The following SPG7 variants were observed in gnomAD, a reference collection of about 807,000 sequenced individuals.
SPG7 encodes mitochondrial inner membrane m-AAA protease component paraplegin.
Under a neutral mutation model 81.9 loss-of-function variants are expected in SPG7, and 103 were observed. That is an observed-to-expected ratio of 1.26 (90% confidence interval 1.07 to 1.48). The LOEUF (loss-of-function observed/expected upper bound fraction) is 1.48, where lower values mean the gene tolerates loss of function less well. Ranked by LOEUF, SPG7 falls within the 40% of genes most tolerant of loss-of-function variation. SPG7 has a pLI of 0.00. For synonymous variants in SPG7, 534 were observed against 444.2 expected (o/e 1.20, Z -2.54); for missense variants, 1,241 against 1,087.3 (o/e 1.14, Z -1.99).
chr16:89,508,430 C>G lies in SPG7; in HGVS notation c.13C>G (p.Leu5Val). The G allele has an allele frequency of 6.7e-7, 1 of 1,492,732 alleles. No homozygotes were observed. Among genetic ancestry groups the G allele is most frequent in the Non-Finnish European group, 8.9e-7 (1 of 1,128,154 alleles). 92.5% of individuals were successfully genotyped at this position (1,492,732 alleles called of 1,614,324 possible). The change falls in exon 1 of 17, where the codon CTG becomes GTG. Residue 5 changes from leucine (L) to valine (V), a missense_variant. Transcript: ENST00000645818. ...CTTTCAGGCCAACATGGCCGTGCTG[C>G]TGCTGCTGCTCCGTGCCCTCCGCCG... Reference protein sequence around the residue: MAVLLLLLRALRRGP... With the variant: MAVLVLLLRALRRGP...
chr16:89,528,200 C>G (rs550933897), intron 5 of SPG7, among the ~76,000 whole-genome samples: 101 of 151,744 alleles, frequency 6.7e-4, no homozygotes, highest in African/African-American at 2.4e-3. Flanking sequence ...ACCATCCTGG[C>G]TAACACGACG....
At position 89,536,500 on chromosome 16, in the gene SPG7, T is replaced by C. The variant is rs1248920221; in HGVS notation, c.1324+3864T>C. 0.029 allele frequency among the ~76,000 whole-genome samples: 1,138 copies of C among 39,428 alleles called. 252 individuals are homozygous for C. Among genetic ancestry groups the C allele is most frequent in the Middle Eastern group, 0.094 (3 of 32 alleles). 25.9% of individuals were successfully genotyped at this position (39,428 alleles called of 152,430 possible). The stretch of plus-strand genomic sequence containing the variant: ...GGCGGGTGAGGTCAGGTGAGGCAGG[T>C]GAGGTGAGGCGGGTGAGGTCAGGTG... On this transcript the variant is annotated intron_variant, in intron 9 of 16. Transcript: ENST00000645818.
At chr16:89,530,871 A>G in intron 7 of SPG7, 63 bp downstream of exon 7, 1 of 1,609,320 alleles carries the variant, frequency 6.2e-7, no homozygotes, top group Non-Finnish European at 8.5e-7. Context: ...CTCTCCCAGA[A>G]GGGCTCCTGC....
intron 2 of SPG7, among the ~76,000 whole-genome samples, chr16:89,511,634 A>G (rs1308744082): frequency 6.6e-6 from 1 of 152,218 alleles, no homozygotes; most frequent in Non-Finnish European, 1.5e-5. Flanking sequence ...GGTGACATGC[A>G]AGTGGCAACC....
rs1418809358 is a variant in SPG7 at position 89,528,255 on chromosome 16, G to A, written c.759-1222G>A. Among the ~76,000 whole-genome samples, 7 of 152,160 alleles carry A rather than the reference G, an allele frequency of 4.6e-5. No homozygotes were observed. The East Asian group carries it at 7.8e-4, about 17-fold the overall frequency. On this transcript the variant is annotated intron_variant, in intron 5 of 16. Coordinates refer to ENST00000645818, the MANE Select transcript of SPG7 (RefSeq NM_003119.4). ...AATACAAAAAAAATTAGCCGGGTGC[G>A]GTGGCGGGTGCCTGTAGTCCCAGCT...
At chr16:89,540,797 TG>T in intron 9 of SPG7, 1 of 689,784 alleles carries the variant, frequency 1.4e-6, no homozygotes, top group Non-Finnish European at 1.8e-6. Context: ...TCCACCCTCC[TG>T]GGTGCTCATC....
Position 89,523,982 on chromosome 16 carries a change from C to T in SPG7, c.377-24C>T, listed in dbSNP as rs78628451. ...TCTGTTGCTCATGTGTTTGTTTCTC[C>T]CTTTTGCTTCTCTGCCGGCTCAGAG... is the stretch of plus-strand genomic sequence containing the variant. On this transcript the variant is annotated intron_variant, in intron 3 of 16. Transcript: ENST00000645818. 6.3e-4 allele frequency: 1,007 copies of T among 1,610,100 alleles called. 5 individuals carry two copies. The African/African-American group carries it at 0.012, about 20-fold the overall frequency.
chr16:89,551,166 C>T (rs2058630294), intron 13 of SPG7: 1 of 184,666 alleles, frequency 5.4e-6, no homozygotes, highest in South Asian at 1.2e-4. Flanking sequence ...AGACGTGGCT[C>T]CACCACCGGG....
At chr16:89,526,158 C>G (rs989330778) in intron 4 of SPG7, among the ~76,000 whole-genome samples, 171 bp from the exon 5 acceptor site, 10 of 152,098 alleles carry the variant, frequency 6.6e-5, no homozygotes, top group African/African-American at 2.4e-4. Flanking sequence ...AATGGAAAGA[C>G]CGTAAGTGGA....
At chr16:89,546,081 A>C (rs1597655796) in intron 10 of SPG7, 1 of 296,154 alleles carries the variant, frequency 3.4e-6, no homozygotes, top group Non-Finnish European at 6.6e-6. Flanking sequence ...CTCTCCTTCC[A>C]AGAGCGTTCT....
At position 89,532,071 on chromosome 16, in the gene SPG7, G is replaced by C; in HGVS notation, c.1150+5G>C. On this transcript the variant is annotated splice_donor_5th_base_variant and intron_variant, in intron 8 of 16. Coordinates refer to ENST00000645818, the MANE Select transcript of SPG7 (RefSeq NM_003119.4). ...AGTTCGTGGAGGTCATTGGAGGTAG[G>C]TGCTGTGGTTGGGGGCTGTGGGTGG... is the stretch of plus-strand genomic sequence containing the variant. The C allele has an allele frequency of 6.2e-7, 1 of 1,611,780 alleles. No homozygotes were observed. Among genetic ancestry groups the C allele is most frequent in the Non-Finnish European group, 8.5e-7 (1 of 1,179,958 alleles).
intron 14 of SPG7, 29 bp downstream of exon 14, chr16:89,553,164 G>A: frequency 1.3e-6 from 2 of 1,569,872 alleles, no homozygotes; most frequent in Non-Finnish European, 8.6e-7. Flanking sequence ...GGCCCTGGAG[G>A]TTTCAGAGCG....
rs61747706 is a variant in SPG7 at position 89,548,043 on chromosome 16, C to T, written c.1593C>T (p.His531=). Residue 531 remains histidine (H), a synonymous_variant, in exon 12 of 17, where the codon CAC becomes CAT. Coordinates refer to ENST00000645818, the MANE Select transcript of SPG7 (RefSeq NM_003119.4). ...ACATCTGCAATGAGGCTGCGCTGCA[C>T]GCGGCGCGGGAGGGACACACTTCCG... The part of the protein sequence containing the change: ...IANICNEAAL[H]AAREGHTSVH... 9.4e-5 allele frequency: 151 copies of T among 1,612,102 alleles called. No homozygotes were observed. The African/African-American group carries it at 1.4e-3, about 15-fold the overall frequency.
intron 5 of SPG7, among the ~76,000 whole-genome samples, chr16:89,528,205 A>G (rs2058290353): frequency 6.6e-6 from 1 of 151,808 alleles, no homozygotes; most frequent in Non-Finnish European, 1.5e-5. Flanking sequence ...CCTGGCTAAC[A>G]CGACGAAACC....
At chr16:89,544,827 C>A in intron 10 of SPG7, 55 bp downstream of exon 10, 1 of 1,601,638 alleles carries the variant, frequency 6.2e-7, no homozygotes, top group Non-Finnish European at 8.5e-7. Flanking sequence ...CCCACTCGCT[C>A]TGAGTGGTCT....
At chr16:89,548,175 C>A in intron 12 of SPG7, 62 bp downstream of exon 12, 1 of 1,179,380 alleles carries the variant, frequency 8.5e-7, no homozygotes. Flanking sequence ...CAGAAATACC[C>A]AGGCAGGTAT....
chr16:89,516,428 G>A (rs1317897750), intron 3 of SPG7, among the ~76,000 whole-genome samples: 2 of 151,942 alleles, frequency 1.3e-5, no homozygotes, highest in African/African-American at 4.8e-5. Flanking sequence ...GTACGTGCTT[G>A]TAATCCCAGC....
In SPG7 at chr16:89,508,519, C is replaced by T. The variant is rs2057961114; in HGVS notation, c.102C>T (p.Pro34=). ...GPGPAWSPGF[P]ARPGRGRPYM... is the part of the protein sequence containing the mutation. ...GCCCGGCCTGGAGTCCAGGGTTCCCCGCCAGGCCCGGGAGGGGGCGGCCGT... is the reference window on the plus strand; with the variant it reads ...GCCCGGCCTGGAGTCCAGGGTTCCCTGCCAGGCCCGGGAGGGGGCGGCCGT... Residue 34 remains proline (P), a synonymous_variant, in exon 1 of 17, where the codon CCC becomes CCT. Transcript: ENST00000645818. 1.3e-6 allele frequency: 2 copies of T among 1,514,440 alleles called. No homozygotes were observed. The highest frequency in any genetic ancestry group is 1.8e-6 in the Non-Finnish European group (2 of 1,137,072). 93.8% of individuals were successfully genotyped at this position (1,514,440 alleles called of 1,614,324 possible).
chr16:89,514,409 C>G (rs751854319), intron 3 of SPG7: 2 of 150,374 alleles, frequency 1.3e-5, no homozygotes, highest in African/African-American at 2.5e-5. Flanking sequence ...CAACCTCCCC[C>G]TCCCGGGTTC....
Sources: allele counts gnomAD v4.1 joint callset (sites outside exome capture counted in the v4.1 genomes callset), GRCh38; gene constraint gnomAD v4.1.1; transcripts MANE v1.5; gene names NCBI Gene and HGNC (gene_info 2026-07-23, HGNC 2026-07-21).